RPH3A: variants seen among roughly 807,000 people sequenced by gnomAD.
RPH3A encodes the protein rabphilin 3A.
A neutral mutation model predicts 102.2 loss-of-function variants in RPH3A; 48 were observed. That is an observed-to-expected ratio of 0.47 (90% confidence interval 0.37 to 0.60). The LOEUF is 0.60. Ranked by LOEUF, RPH3A falls within the 20% of genes least tolerant of loss-of-function variation. The pLI is 0.00. For missense variants in RPH3A, 781 were observed against 910.1 expected (o/e 0.86, Z 1.83); for synonymous variants, 310 against 324.3 (o/e 0.96, Z 0.47).
chr12:112,602,947 A>G (rs548369462), intron 1 of RPH3A, among the ~76,000 whole-genome samples: 1 of 152,370 alleles, frequency 6.6e-6, no homozygotes, highest in East Asian at 1.9e-4. Context: ...TATGGGAGCT[A>G]TTGGAAAGAT....
chr12:112,819,327 C>G (rs1465564585), intron 2 of RPH3A, among the ~76,000 whole-genome samples: 1 of 152,062 alleles, frequency 6.6e-6, no homozygotes, highest in East Asian at 1.9e-4. Context: ...AGGCTGGTCT[C>G]GAACTCCTGG....
intron 1 of RPH3A, among the ~76,000 whole-genome samples, chr12:112,664,274 T>C (rs1297606061): frequency 6.6e-6 from 1 of 152,068 alleles, no homozygotes; most frequent in East Asian, 1.9e-4. Flanking sequence ...CAGAGGACTT[T>C]ATGAGCCATG....
chr12:112,829,760 G>A (rs1218405071), intron 3 of RPH3A, among the ~76,000 whole-genome samples: 3 of 152,140 alleles, frequency 2.0e-5, no homozygotes, highest in Non-Finnish European at 4.4e-5. Flanking sequence ...ACAAATGGAT[G>A]TAAGTGGATA....
intron 2 of RPH3A, among the ~76,000 whole-genome samples, chr12:112,810,736 C>T (rs926096847): frequency 1.6e-4 from 25 of 152,164 alleles, no homozygotes; most frequent in African/African-American, 5.3e-4. Context: ...CCATTATCTG[C>T]CCCTTGAATC....
intron 8 of RPH3A, 162 bp downstream of exon 8, chr12:112,868,757 A>G (rs956901504): frequency 1.4e-6 from 1 of 704,088 alleles, no homozygotes; most frequent in Admixed American, 3.0e-5. Context: ...AGAGTTCACC[A>G]TAAATCGTTA....
At chr12:112,587,342 G>T (rs1423614950) in intron 1 of RPH3A, among the ~76,000 whole-genome samples, 1 of 152,230 alleles carries the variant, frequency 6.6e-6, no homozygotes, top group Non-Finnish European at 1.5e-5. Flanking sequence ...TCTTAATACG[G>T]TTCTTCTGAG....
intron 1 of RPH3A, among the ~76,000 whole-genome samples, chr12:112,734,977 T>C (rs1359048452): frequency 1.3e-5 from 2 of 152,218 alleles, no homozygotes; most frequent in Non-Finnish European, 2.9e-5. Context: ...TCTCATCCTG[T>C]GACTCAGAAT....
chr12:112,894,379 G>A (rs1855650664), intron 19 of RPH3A, 199 bp from the exon 20 acceptor site: 1 of 601,134 alleles, frequency 1.7e-6, no homozygotes, highest in Non-Finnish European at 2.9e-6. Flanking sequence ...AGGGTCATGT[G>A]GGGATTAAAT....
intron 1 of RPH3A, among the ~76,000 whole-genome samples, chr12:112,708,020 C>T (rs1321413876): frequency 2.6e-5 from 4 of 152,156 alleles, no homozygotes; most frequent in East Asian, 3.8e-4. Flanking sequence ...AGTCGTGGGA[C>T]GGGAAGCTGA....
At chr12:112,645,870 G>A (rs1485906663) in intron 1 of RPH3A, among the ~76,000 whole-genome samples, 1 of 152,124 alleles carries the variant, frequency 6.6e-6, no homozygotes, top group African/African-American at 2.4e-5. Flanking sequence ...GCCATAGGAG[G>A]TGGTTTTATA....
At chr12:112,609,541 A>G (rs990590681) in intron 1 of RPH3A, among the ~76,000 whole-genome samples, 2 of 152,040 alleles carry the variant, frequency 1.3e-5, no homozygotes, top group African/African-American at 4.8e-5. Context: ...GCCGTCCTGG[A>G]TTCCTTCCAG....
chr12:112,832,168 T>C (rs2041981085), intron 3 of RPH3A, among the ~76,000 whole-genome samples: 1 of 152,212 alleles, frequency 6.6e-6, no homozygotes, highest in Admixed American at 6.5e-5. Flanking sequence ...CTTCGTATTT[T>C]ATATCTCTTT....
chr12:112,589,477 G>A (rs1454819814), intron 1 of RPH3A, among the ~76,000 whole-genome samples: 6 of 152,060 alleles, frequency 3.9e-5, no homozygotes, highest in African/African-American at 1.4e-4. Context: ...CAGGACCTTT[G>A]CACTGGCTGT....
intron 1 of RPH3A, among the ~76,000 whole-genome samples, chr12:112,730,014 C>T (rs575960971): frequency 6.6e-6 from 1 of 152,242 alleles, no homozygotes; most frequent in East Asian, 1.9e-4. Context: ...CACACACACA[C>T]ACACATACAC....
In RPH3A at chr12:112,718,248, A is replaced by G. The variant is rs184417179; in HGVS notation, c.-139-73895A>G. ...CCAGCAGTATATGTTGACCTATTCA[A>G]ACCAAACCATTATGACTCAGGTTGC... On this transcript the variant is annotated intron_variant, in intron 1 of 21. Coordinates refer to the RPH3A transcript ENST00000543106. Among the ~76,000 whole-genome samples the G allele has an allele frequency of 1.2e-3, 177 of 152,346 alleles. 1 individual carries two copies. The highest frequency in any genetic ancestry group is 6.3e-4 in the Non-Finnish European group (43 of 68,024).
intron 1 of RPH3A, among the ~76,000 whole-genome samples, chr12:112,578,120 C>T (rs2039372160): frequency 6.6e-6 from 1 of 152,116 alleles, no homozygotes; most frequent in African/African-American, 2.4e-5. Context: ...CACTGCCACC[C>T]CTGAATTCAA....
At chr12:112,894,947 A>G (rs529532802) in intron 20 of RPH3A, among the ~76,000 whole-genome samples, 1 of 152,022 alleles carries the variant, frequency 6.6e-6, no homozygotes, top group Non-Finnish European at 1.5e-5. Flanking sequence ...TGACATGGTT[A>G]TTCTTGGGTA....
chr12:112,609,172 C>T (rs2039619955), intron 1 of RPH3A, among the ~76,000 whole-genome samples: 1 of 152,112 alleles, frequency 6.6e-6, no homozygotes, highest in Admixed American at 6.5e-5. Context: ...AAGGGTTATC[C>T]TTGACTTATA....
chr12:112,591,638 G>T (rs1484059666), intron 1 of RPH3A: 1 of 152,204 alleles, frequency 6.6e-6, no homozygotes, highest in Non-Finnish European at 1.5e-5. Context: ...CAGATGCTAT[G>T]GGAATTGTGT....
Sources: allele counts gnomAD v4.1 joint callset (sites outside exome capture counted in the v4.1 genomes callset), GRCh38; gene constraint gnomAD v4.1.1; transcripts MANE v1.5; gene names NCBI Gene and HGNC (gene_info 2026-07-23, HGNC 2026-07-21).